Variants in MYT1L observed in about 807,000 individuals in gnomAD.
The protein encoded by MYT1L is myelin transcription factor 1 like.
In MYT1L, 12 loss-of-function variants were observed where a neutral mutation model predicts 126.7. The ratio of observed to expected loss-of-function variants is 0.09; its 90% CI spans 0.06 to 0.15. MYT1L has a LOEUF of 0.15. MYT1L is among the 10% of genes least tolerant of loss of function. The pLI is 1.00. For missense variants in MYT1L, 979 were observed against 1,585.2 expected (o/e 0.62, Z 6.49); for synonymous variants, 541 against 604.2 (o/e 0.90, Z 1.53).
At chr2:1,949,206 C>T (rs1180524798) in intron 8 of MYT1L, among the ~76,000 whole-genome samples, 2 of 152,232 alleles carry the variant, frequency 1.3e-5, no homozygotes, top group African/African-American at 2.4e-5. Context: ...TTGGACTTCT[C>T]ACAATTCAGC....
intron 3 of MYT1L, among the ~76,000 whole-genome samples, chr2:2,103,674 T>C (rs2078388842): frequency 6.6e-6 from 1 of 152,226 alleles, no homozygotes; most frequent in African/African-American, 2.4e-5. Context: ...CCACATTACA[T>C]GAGGGGCCTC....
intron 3 of MYT1L, among the ~76,000 whole-genome samples, chr2:2,055,348 C>T (rs1401885327): frequency 6.6e-6 from 1 of 152,130 alleles, no homozygotes; most frequent in Non-Finnish European, 1.5e-5. Context: ...AAAGATTTTA[C>T]AAGAGCATGT....
chr2:2,278,474 T>C (rs1395173218), intron 2 of MYT1L, among the ~76,000 whole-genome samples: 1 of 152,222 alleles, frequency 6.6e-6, no homozygotes, highest in Non-Finnish European at 1.5e-5. Context: ...AATAAGTCCA[T>C]ATACCCATCA....
Position 1,979,428 on chromosome 2 carries a change from C to G in MYT1L, c.89+93G>C, listed in dbSNP as rs1337505718. ...ATCAGTGCAGCAGGGCGTGAGCAAG[C>G]TGCCGATGAGCTGGAAGGTGCAGTG... On this transcript the variant is annotated intron_variant, in intron 7 of 24. Transcript: ENST00000647738. The surrounding 1 kb of genome is among the most constrained non-coding windows in gnomAD (Gnocchi z 4.0). The G allele has an allele frequency of 7.6e-7, 1 of 1,315,262 alleles. No homozygotes were observed. Among genetic ancestry groups the G allele is most frequent in the East Asian group, 2.3e-5 (1 of 43,450 alleles). 81.5% of individuals were successfully genotyped at this position (1,315,262 alleles called of 1,614,324 possible).
rs1482846160 is a variant in MYT1L, at chr2:1,956,226, TGTCTATC to T, written c.153-12899_153-12893del. 2.9e-4 allele frequency among the ~76,000 whole-genome samples: 39 copies of T among 133,358 alleles called. 5 individuals carry two copies. The highest frequency in any genetic ancestry group is 1.3e-3 in the African/African-American group (33 of 24,968). 87.5% of individuals were successfully genotyped at this position (133,358 alleles called of 152,430 possible). A position where few individuals can be genotyped will look rare whatever the true frequency, so the allele number is the denominator to read the frequency against. ...CTATCTATCTATCTATCTATCTATCTGTCTATCATCTATCTATCCTATTCTATATTTC... is the reference window on the plus strand; with the variant it reads ...CTATCTATCTATCTATCTATCTATCTATCTATCTATCCTATTCTATATTTC... On this transcript the variant is annotated intron_variant, in intron 8 of 24. Transcript: ENST00000647738.
At position 1,848,745 on chromosome 2, in the gene MYT1L, G is replaced by T. The variant is rs1430686226; in HGVS notation, c.2774+2896C>A. On this transcript the variant is annotated intron_variant, in intron 19 of 24. Transcript: ENST00000647738. This position sits in a 1 kb window ranked among gnomAD's most constrained non-coding sequence, Gnocchi z 4.8. ...AGCTCATTTACACAGAACTGCACTT[G>T]TTTTGCTGGGGCCTCCATCTTCCTT... is the stretch of plus-strand genomic sequence containing the variant. Among the ~76,000 whole-genome samples the T allele has an allele frequency of 1.3e-5, 2 of 152,132 alleles. No homozygotes were observed. The highest frequency in any genetic ancestry group is 2.9e-5 in the Non-Finnish European group (2 of 68,028).
intron 2 of MYT1L, among the ~76,000 whole-genome samples, chr2:2,174,185 T>C (rs1262063574): frequency 2.0e-5 from 3 of 152,222 alleles, no homozygotes; most frequent in South Asian, 2.1e-4. Context: ...TCTACAGATA[T>C]CAGTTTGGAG....
chr2:1,859,474 C>A (rs78806798), intron 18 of MYT1L, among the ~76,000 whole-genome samples: 4 of 152,190 alleles, frequency 2.6e-5, no homozygotes, highest in African/African-American at 9.6e-5. Context: ...CAAGGGTCAT[C>A]ATGCAAATGA....
At chr2:2,174,567 C>A (rs553215514) in intron 2 of MYT1L, among the ~76,000 whole-genome samples, 1 of 150,682 alleles carries the variant, frequency 6.6e-6, no homozygotes, top group Admixed American at 6.6e-5. Flanking sequence ...TGTGGAGACT[C>A]CCTCCCAGAC....
intron 23 of MYT1L, among the ~76,000 whole-genome samples, chr2:1,799,463 C>G (rs1173879237): frequency 6.6e-6 from 1 of 152,202 alleles, no homozygotes; most frequent in Non-Finnish European, 1.5e-5. Context: ...CAGCTGGCAT[C>G]AGAGCTGCCG....
chr2:2,167,799 G>A (rs890314397), intron 3 of MYT1L, among the ~76,000 whole-genome samples: 2 of 152,176 alleles, frequency 1.3e-5, no homozygotes, highest in Non-Finnish European at 2.9e-5. Flanking sequence ...TTCTCCAGGT[G>A]TTCTCTTGTT....
chr2:1,816,652 C>A (rs975584374), intron 21 of MYT1L: 16 of 152,804 alleles, frequency 1.0e-4, no homozygotes, highest in African/African-American at 3.9e-4. Flanking sequence ...TGAGGATGGA[C>A]ATGGTGCACG....
chr2:2,208,311 C>T (rs1482155589), intron 2 of MYT1L, among the ~76,000 whole-genome samples: 2 of 152,138 alleles, frequency 1.3e-5, no homozygotes, highest in African/African-American at 2.4e-5. Flanking sequence ...TTAAAAAGTT[C>T]GCCATGAAAT....
intron 20 of MYT1L, among the ~76,000 whole-genome samples, chr2:1,840,508 T>C (rs1460559715): frequency 6.6e-6 from 1 of 152,132 alleles, no homozygotes; most frequent in Non-Finnish European, 1.5e-5. Context: ...TTTTTGGGGA[T>C]TTGGGTTACA....
intron 21 of MYT1L, among the ~76,000 whole-genome samples, chr2:1,837,095 C>T (rs1396911717): frequency 6.7e-6 from 1 of 149,626 alleles, no homozygotes; most frequent in Admixed American, 6.6e-5. Flanking sequence ...AAGCCCTCCC[C>T]CATGGAAAAA....
intron 8 of MYT1L, among the ~76,000 whole-genome samples, chr2:1,956,876 C>G (rs1288870381): frequency 6.6e-6 from 1 of 152,134 alleles, no homozygotes; most frequent in Non-Finnish European, 1.5e-5. Context: ...TAGAATCTTA[C>G]AGGAAAGGTG....
intron 1 of MYT1L, among the ~76,000 whole-genome samples, chr2:2,309,646 A>T (rs1345926063): frequency 2.7e-5 from 4 of 150,540 alleles, no homozygotes; most frequent in African/African-American, 9.8e-5. Flanking sequence ...CTCTACCCAT[A>T]CTCCACCTGT....
intron 3 of MYT1L, among the ~76,000 whole-genome samples, chr2:2,096,394 T>C (rs1328461240): frequency 6.6e-6 from 1 of 152,202 alleles, no homozygotes; most frequent in African/African-American, 2.4e-5. Context: ...TTGCCTCCCC[T>C]TTCTTCTTTC....
chr2:2,214,283 A>T (rs1244918708), intron 2 of MYT1L, among the ~76,000 whole-genome samples: 1 of 151,918 alleles, frequency 6.6e-6, no homozygotes, highest in African/African-American at 2.4e-5. Flanking sequence ...CTATCTATCT[A>T]TCTATCTATC....
Sources: gnomAD v4.1 joint callset for allele counts (sites outside exome capture counted in the v4.1 genomes callset) on GRCh38, gnomAD v4.1.1 for gene constraint, Gnocchi (gnomAD v3.1) non-coding constraint, MANE v1.5 for transcripts, NCBI Gene and HGNC (gene_info 2026-07-23, HGNC 2026-07-21) for gene names.